Variants in QTGAL observed in about 807,000 individuals in gnomAD.
QTGAL encodes the protein queuosine-tRNA galactosyltransferase.
the QTGAL span, among the ~76,000 whole-genome samples, chr17:82,963,964 G>A: frequency 6.7e-6 from 1 of 148,306 alleles, no homozygotes; most frequent in Non-Finnish European, 1.5e-5. Flanking sequence ...ATTTTAAGAA[G>A]AGACAAAATT....
At chr17:83,022,081 A>C in the QTGAL span, among the ~76,000 whole-genome samples, 8 of 152,246 alleles carry the variant, frequency 5.3e-5, no homozygotes, top group African/African-American at 1.9e-4. Flanking sequence ...AAAGATAAAA[A>C]TAGAAGACAT....
the QTGAL span, among the ~76,000 whole-genome samples, chr17:83,007,493 C>G: frequency 2.3e-3 from 351 of 152,110 alleles, 2 homozygotes; most frequent in South Asian, 0.011. Flanking sequence ...TGTTCCAAAA[C>G]GTGAAGACAG....
the QTGAL span, among the ~76,000 whole-genome samples, chr17:83,020,569 G>A: frequency 7.2e-5 from 11 of 152,352 alleles, no homozygotes; most frequent in South Asian, 4.1e-4. Flanking sequence ...TGAGCAGGAC[G>A]CCCCTGGGGA....
chr17:82,963,857 T>A, the QTGAL span, among the ~76,000 whole-genome samples: 2 of 151,914 alleles, frequency 1.3e-5, no homozygotes, highest in African/African-American at 4.9e-5. Flanking sequence ...TAAAAAAAAA[T>A]TGAATTGCAC....
the QTGAL span, among the ~76,000 whole-genome samples, chr17:83,045,957 G>A: frequency 6.6e-6 from 1 of 151,848 alleles, no homozygotes; most frequent in Non-Finnish European, 1.5e-5. Flanking sequence ...CTGAGTAGCT[G>A]GGATTAAAGG....
the QTGAL span, among the ~76,000 whole-genome samples, chr17:82,952,237 C>T: frequency 6.6e-6 from 1 of 152,108 alleles, no homozygotes; most frequent in Admixed American, 6.5e-5. Context: ...TTCTGCGGGG[C>T]AGGAACCGTG....
the QTGAL span, chr17:82,945,814 G>C: frequency 6.6e-6 from 1 of 152,204 alleles, no homozygotes; most frequent in Non-Finnish European, 1.5e-5. Context: ...GAGAACCACT[G>C]CTTTAGTGGA....
At chr17:83,041,045 G>A in the QTGAL span, among the ~76,000 whole-genome samples, 12 of 143,756 alleles carry the variant, frequency 8.3e-5, no homozygotes, top group Non-Finnish European at 1.3e-4. Context: ...CAGGCTGGGT[G>A]ACAGAGCGAG....
At chr17:83,030,542 G>A in the QTGAL span, among the ~76,000 whole-genome samples, 34,143 of 152,142 alleles carry the variant, frequency 0.22, 4,349 homozygotes, top group East Asian at 0.35. Context: ...TCTGGGGCAC[G>A]GCTACAGCCA....
chr17:83,002,916 CCCGCCCT>C, the QTGAL span, among the ~76,000 whole-genome samples: 3 of 18,798 alleles, frequency 1.6e-4, no homozygotes, highest in African/African-American at 8.1e-4. Flanking sequence ...AGCCCGCCCT[CCCGCCCT>C]CCGCGTGTGG....
chr17:83,034,599 G>A, the QTGAL span, among the ~76,000 whole-genome samples: 30,802 of 152,036 alleles, frequency 0.2, 3,265 homozygotes, highest in Non-Finnish European at 0.24. Context: ...CTGTGTCCCC[G>A]CCCAAATCTC....
the QTGAL span, among the ~76,000 whole-genome samples, chr17:82,959,289 T>C: frequency 6.6e-6 from 1 of 151,928 alleles, no homozygotes; most frequent in Non-Finnish European, 1.5e-5. Context: ...GCATGCAGTA[T>C]GAGTACATGT....
At chr17:82,999,812 T>C in the QTGAL span, among the ~76,000 whole-genome samples, 1 of 152,196 alleles carries the variant, frequency 6.6e-6, no homozygotes. Context: ...GTCATGACTT[T>C]TCTCTGCTTT....
At chr17:83,037,452 A>G in the QTGAL span, among the ~76,000 whole-genome samples, 7 of 152,252 alleles carry the variant, frequency 4.6e-5, no homozygotes, top group Admixed American at 6.5e-5. This position sits in a 1 kb window ranked among gnomAD's most constrained non-coding sequence, Gnocchi z 5.2. Flanking sequence ...CAACCCAGTT[A>G]GCCAGAGGAT....
the QTGAL span, chr17:82,946,860 C>T: frequency 1.3e-6 from 2 of 1,518,684 alleles, no homozygotes; most frequent in East Asian, 2.5e-5. Context: ...CCAGATGGTT[C>T]TTCGGTGAAA....
the QTGAL span, chr17:82,965,846 G>T: frequency 8.1e-7 from 1 of 1,229,658 alleles, no homozygotes; most frequent in Non-Finnish European, 1.2e-6. Flanking sequence ...AGTGACAGAT[G>T]AATCCGTGTC....
At chr17:83,013,017 G>C in the QTGAL span, among the ~76,000 whole-genome samples, 1 of 152,106 alleles carries the variant, frequency 6.6e-6, no homozygotes, top group African/African-American at 2.4e-5. Context: ...CTGTGGCCCC[G>C]ATTGCCATGG....
At chr17:83,016,533 TGGAGAAG>T in the QTGAL span, among the ~76,000 whole-genome samples, 7 of 34,222 alleles carry the variant, frequency 2.0e-4, no homozygotes, top group Admixed American at 6.7e-4. Context: ...AAGAGGAGGG[TGGAGAAG>T]GGAGGAGGGA....
the QTGAL span, among the ~76,000 whole-genome samples, chr17:83,001,725 G>A: frequency 6.6e-6 from 1 of 151,944 alleles, no homozygotes; most frequent in Admixed American, 6.6e-5. Flanking sequence ...TTTTTATATT[G>A]CTTGACTTTA....
Sources: gnomAD v4.1 joint callset for allele counts (sites outside exome capture counted in the v4.1 genomes callset) on GRCh38, gnomAD v4.1.1 for gene constraint, Gnocchi (gnomAD v3.1) non-coding constraint, MANE v1.5 for transcripts, NCBI Gene and HGNC (gene_info 2026-07-23, HGNC 2026-07-21) for gene names.